Variants in FAT4 observed in about 807,000 individuals in gnomAD.
FAT4 encodes protocadherin Fat 4.
FAT4 carries 84 observed loss-of-function variants against 303.9 expected under a neutral mutation model. The observed-to-expected ratio is 0.28, with a 90% CI of 0.23 to 0.33. The LOEUF (loss-of-function observed/expected upper bound fraction) is 0.33, where lower values mean the gene tolerates loss of function less well. Among genes scored for constraint, FAT4 ranks in the 10% least tolerant of loss-of-function variants. The probability of loss-of-function intolerance (pLI) is 1.00; values close to 1 mark genes in which losing one functional copy is unlikely to be tolerated. For missense variants in FAT4, 6,005 were observed against 6,146.8 expected (o/e 0.98, Z 0.77); for synonymous variants, 2,307 against 2,298.8 (o/e 1.00, Z -0.10).
intron 2 of FAT4, among the ~76,000 whole-genome samples, chr4:125,338,104 T>C (rs1047894722): frequency 6.6e-6 from 1 of 152,170 alleles, no homozygotes; most frequent in African/African-American, 2.4e-5. Context: ...TGACACTACA[T>C]CTTTTCATCC....
At chr4:125,393,392 C>A (rs2126008506) in intron 2 of FAT4, among the ~76,000 whole-genome samples, 1 of 152,174 alleles carries the variant, frequency 6.6e-6, no homozygotes, top group South Asian at 2.1e-4. Context: ...TAATCTTCTA[C>A]TTTCATAATA....
chr4:125,464,557 T>G (rs991679481), intron 11 of FAT4, among the ~76,000 whole-genome samples: 1 of 152,072 alleles, frequency 6.6e-6, no homozygotes, highest in Non-Finnish European at 1.5e-5. Context: ...TCTAGGGTAA[T>G]GTGCACAACG....
chr4:125,375,342 A>G (rs555408805), intron 2 of FAT4, among the ~76,000 whole-genome samples: 4 of 152,348 alleles, frequency 2.6e-5, no homozygotes, highest in Middle Eastern at 6.8e-3. Context: ...TCTAATGTAT[A>G]TGTTTGGCTG....
Position 125,490,600 on chromosome 4 carries a change from A to T in FAT4, c.13784A>T (p.Tyr4595Phe), listed in dbSNP as rs1304763341. The T allele has an allele frequency of 6.2e-7, 1 of 1,614,062 alleles. No individual in the cohort carries two copies. Among genetic ancestry groups the T allele is most frequent in the Non-Finnish European group, 8.5e-7 (1 of 1,180,042 alleles). ...IIERENPYLI[Y>F]DETDIPHNSE... ...GAAAGGGAAAACCCCTACCTTATCTATGATGAAACTGATATTCCTCACAAC... is the reference window on the plus strand; with the variant it reads ...GAAAGGGAAAACCCCTACCTTATCTTTGATGAAACTGATATTCCTCACAAC... The change falls in exon 18 of 18, where the codon TAT becomes TTT. Residue 4595 changes from tyrosine (Y) to phenylalanine (F), a missense_variant. Tyr to Phe is a conservative substitution (Grantham distance 22, BLOSUM62 3). Transcript: ENST00000394329.
At chr4:125,360,928 TA>T (rs1160906346) in intron 2 of FAT4, among the ~76,000 whole-genome samples, 1 of 112,050 alleles carries the variant, frequency 8.9e-6, no homozygotes, top group African/African-American at 2.9e-5. Context: ...TTATTTTATT[TA>T]TTTATTTTAT....
chr4:125,486,912 C>T (rs1394352446), intron 16 of FAT4, among the ~76,000 whole-genome samples: 1 of 152,070 alleles, frequency 6.6e-6, no homozygotes, highest in East Asian at 1.9e-4. Flanking sequence ...TTTAGCTGAG[C>T]ATTCTTTTTC....
intron 10 of FAT4, among the ~76,000 whole-genome samples, chr4:125,458,805 T>A (rs2126067540): frequency 6.6e-6 from 1 of 152,108 alleles, no homozygotes; most frequent in African/African-American, 2.4e-5. Context: ...TTGTTGCTTT[T>A]GTTACTGGCA....
At chr4:125,378,858 G>T (rs931801164) in intron 2 of FAT4, among the ~76,000 whole-genome samples, 1 of 152,146 alleles carries the variant, frequency 6.6e-6, no homozygotes, top group African/African-American at 2.4e-5. Flanking sequence ...GAACTGAGAA[G>T]ATTATTTTCC....
Position 125,346,358 on chromosome 4 carries a change from C to G in FAT4, c.5175+24772C>G, listed in dbSNP as rs548914249. Among the ~76,000 whole-genome samples, 6 of 151,616 alleles carry G rather than the reference C, an allele frequency of 4.0e-5. No individual in the cohort carries two copies. In the East Asian group the frequency reaches 1.2e-3, roughly 30 times the overall value. ...GGGAAATAGAGAAGTTGTCACTTGACTAAACTTGATTCTCTGAGAAAAAAA... is the reference window on the plus strand; with the variant it reads ...GGGAAATAGAGAAGTTGTCACTTGAGTAAACTTGATTCTCTGAGAAAAAAA... On this transcript the variant is annotated intron_variant, in intron 2 of 17. Coordinates refer to ENST00000394329, the MANE Select transcript of FAT4 (RefSeq NM_001291303.3).
intron 2 of FAT4, among the ~76,000 whole-genome samples, chr4:125,390,252 G>C (rs1733930466): frequency 6.6e-6 from 1 of 152,058 alleles, no homozygotes; most frequent in Admixed American, 6.6e-5. Context: ...TTAAGGTCAG[G>C]TCATAGAGTG....
Position 125,487,394 on chromosome 4 carries a change from A to G in FAT4, c.12872A>G (p.Lys4291Arg). 1 of 1,614,010 alleles carries G rather than the reference A, an allele frequency of 6.2e-7. No homozygotes were observed. Among genetic ancestry groups the G allele is most frequent in the South Asian group, 1.1e-5 (1 of 91,072 alleles). ...ACATCCGATGCAGGAATTGCTGGGA[A>G]AGTGGAGAGAAATATTCCTGAAGTA... The part of the protein sequence containing the change: ...YFTSDAGIAG[K>R]VERNIPEVYV... The change falls in exon 17 of 18, where the codon AAA becomes AGA. Residue 4291 changes from lysine (K) to arginine (R), a missense_variant. Coordinates refer to ENST00000394329, the MANE Select transcript of FAT4 (RefSeq NM_001291303.3).
Position 125,318,522 on chromosome 4 carries a change from G to C in FAT4, c.2111G>C (p.Gly704Ala). 1.2e-6 allele frequency: 2 copies of C among 1,614,142 alleles called. No individual in the cohort carries two copies. The highest frequency in any genetic ancestry group is 4.5e-5 in the East Asian group (2 of 44,872). Reference sequence around the variant, plus strand: ...GCTCACATTAAGGAGAATGAGCCTGGAGGTAGCTACATCACCACTGTGTCT... The same window carrying C: ...GCTCACATTAAGGAGAATGAGCCTGCAGGTAGCTACATCACCACTGTGTCT... ...YFAHIKENEP[G>A]GSYITTVSAT... The change falls in exon 2 of 18, where the codon GGA (glycine) becomes GCA (alanine). Residue 704 changes from glycine (G) to alanine (A), a missense_variant. Gly to Ala is a moderately conservative substitution (Grantham distance 60, BLOSUM62 0). Transcript: ENST00000394329.
Position 125,320,478 on chromosome 4 carries a change from G to A in FAT4, c.4067G>A (p.Gly1356Glu). 1 of 1,614,018 alleles carries A rather than the reference G, an allele frequency of 6.2e-7. No homozygotes were observed. The highest frequency in any genetic ancestry group is 8.5e-7 in the Non-Finnish European group (1 of 1,179,970). ...DNADLYYSIT[G>E]TNNHGTFSIS... Reference sequence around the variant, plus strand: ...GCTGATTTATATTACAGTATTACTGGGACTAACAACCACGGAACTTTTAGC... The same window carrying A: ...GCTGATTTATATTACAGTATTACTGAGACTAACAACCACGGAACTTTTAGC... The change falls in exon 2 of 18, where the codon GGG (glycine) becomes GAG (glutamate). Residue 1356 changes from glycine to glutamate, a missense_variant. Coordinates refer to ENST00000394329, the MANE Select transcript of FAT4 (RefSeq NM_001291303.3).
Position 125,450,217 on chromosome 4 carries a change from T to C in FAT4, c.9207T>C (p.Pro3069=). The C allele has an allele frequency of 6.2e-7, 1 of 1,613,928 alleles. No individual in the cohort carries two copies. The highest frequency in any genetic ancestry group is 8.5e-7 in the Non-Finnish European group (1 of 1,179,994). The change falls in exon 10 of 18, where the codon CCT becomes CCC. Residue 3069 remains proline, a synonymous_variant. Coordinates refer to ENST00000394329, the MANE Select transcript of FAT4 (RefSeq NM_001291303.3). ...TCACTGCAAAGGATAAGGGAAACCC[T>C]CCACTTTCTTCCCAAGCAACTGTTC... The part of the protein sequence containing the change: ...ITVTAKDKGN[P]PLSSQATVHI...
intron 17 of FAT4, 79 bp downstream of exon 17, chr4:125,487,685 A>G: frequency 2.9e-6 from 4 of 1,397,620 alleles, no homozygotes; most frequent in Admixed American, 2.5e-5. Flanking sequence ...TTGTGGCAAG[A>G]CTACACATTT....
chr4:125,394,234 A>C (rs1734081149), intron 2 of FAT4, among the ~76,000 whole-genome samples: 1 of 152,220 alleles, frequency 6.6e-6, no homozygotes, highest in African/African-American at 2.4e-5. Flanking sequence ...CAATTACAAA[A>C]GCTATTGCCA....
rs765922495 is a variant in FAT4 at position 125,415,531 on chromosome 4, C to T, written c.6568C>T (p.Arg2190Cys). Residue 2190 changes from arginine to cysteine, a missense_variant, in exon 6 of 18, where the codon CGC becomes TGC. Physicochemically the swap from Arg to Cys is radical, Grantham distance 180. Transcript: ENST00000394329. ...AGATGAAGGCACAAATGGACAGGTT[C>T]GCTATGGCATTGTTAATGGTAATAC... ...DGDEGTNGQV[R>C]YGIVNGNTNQ... is the part of the protein sequence containing the mutation. The T allele has an allele frequency of 9.9e-6, 16 of 1,613,898 alleles. No individual in the cohort carries two copies. The highest frequency in any genetic ancestry group is 3.3e-5 in the South Asian group (3 of 91,070).
chr4:125,385,214 A>G (rs2055769), intron 2 of FAT4, among the ~76,000 whole-genome samples: 150,094 of 151,500 alleles, frequency 0.99, 74,359 homozygotes, highest in East Asian at 1. Context: ...GTAGAGATGG[A>G]GTTTCACCAT....
At chr4:125,418,364 A>G (rs951343488) in intron 7 of FAT4, among the ~76,000 whole-genome samples, 2 of 152,164 alleles carry the variant, frequency 1.3e-5, no homozygotes, top group Admixed American at 6.6e-5. Context: ...GCAAACCACT[A>G]AATGTTTCAA....
Sources: gnomAD v4.1 joint callset for allele counts (sites outside exome capture counted in the v4.1 genomes callset) on GRCh38, gnomAD v4.1.1 for gene constraint, MANE v1.5 for transcripts, NCBI Gene and HGNC (gene_info 2026-07-23, HGNC 2026-07-21) for gene names.